RPS6KC1: variants seen among roughly 807,000 people sequenced by gnomAD.
The protein encoded by RPS6KC1 is inactive ribosomal protein S6 kinase delta-1.
RPS6KC1 carries 54 observed loss-of-function variants against 103.8 expected under a neutral mutation model. That is an observed-to-expected ratio of 0.52 (90% CI 0.42 to 0.65). The LOEUF (loss-of-function observed/expected upper bound fraction) is 0.65, where lower values mean the gene tolerates loss of function less well. RPS6KC1 is among the 30% of genes least tolerant of loss of function. The pLI is 0.00. For synonymous variants in RPS6KC1, 439 were observed against 438.7 expected, an observed-to-expected ratio of 1.00 and a Z score of -0.01; for missense variants, 1,151 against 1,253.8, an observed-to-expected ratio of 0.92 and a Z score of 1.24.
At chr1:213,672,825 A>G in the RPS6KC1 span, among the ~76,000 whole-genome samples, 2 of 152,138 alleles carry the variant, frequency 1.3e-5, no homozygotes, top group Non-Finnish European at 2.9e-5. Context: ...TAAACTCGTC[A>G]TCTCATCCCT....
chr1:213,806,014 G>A, the RPS6KC1 span, among the ~76,000 whole-genome samples: 1 of 152,170 alleles, frequency 6.6e-6, no homozygotes, highest in African/African-American at 2.4e-5. Context: ...TTCTGAGCAG[G>A]AGGTCTCAAC....
At chr1:213,602,194 C>CTTTCTTTCTTTCTTTCTTTCTTTCTTTT in the RPS6KC1 span, among the ~76,000 whole-genome samples, 1 of 75,154 alleles carries the variant, frequency 1.3e-5, no homozygotes, top group African/African-American at 6.2e-5. Context: ...TTCTTTTTCC[C>CTTTCTTTCTTTCTTTCTTTCTTTCTTTT]TCCCTCCCTC....
intron 3 of RPS6KC1, among the ~76,000 whole-genome samples, chr1:213,084,917 G>C (rs968617403): frequency 6.6e-6 from 1 of 152,198 alleles, no homozygotes; most frequent in African/African-American, 2.4e-5. Flanking sequence ...CATGATGTCT[G>C]TCTGCCCCTT....
At chr1:213,734,903 TG>T in the RPS6KC1 span, among the ~76,000 whole-genome samples, 1 of 8,276 alleles carries the variant, frequency 1.2e-4, no homozygotes, top group African/African-American at 1.0e-3. Context: ...CAAGTGAGTT[TG>T]TTGTTGTTGT....
At chr1:213,494,955 T>C in the RPS6KC1 span, among the ~76,000 whole-genome samples, 9,947 of 150,812 alleles carry the variant, frequency 0.066, 382 homozygotes, top group Middle Eastern at 0.099. Flanking sequence ...CAAAGAAAAG[T>C]AATCTTGATT....
At chr1:213,271,343 T>G (rs1362152829) in intron 14 of RPS6KC1, among the ~76,000 whole-genome samples, 1 of 152,174 alleles carries the variant, frequency 6.6e-6, no homozygotes, top group Non-Finnish European at 1.5e-5. Flanking sequence ...TTTTATTATT[T>G]TACTTATATG....
At chr1:213,443,553 C>A in the RPS6KC1 span, among the ~76,000 whole-genome samples, 1 of 152,054 alleles carries the variant, frequency 6.6e-6, no homozygotes, top group East Asian at 1.9e-4. Context: ...GGGCTGGGTT[C>A]TTGGGCATTC....
chr1:213,484,013 G>A, the RPS6KC1 span, among the ~76,000 whole-genome samples: 1 of 152,302 alleles, frequency 6.6e-6, no homozygotes, highest in East Asian at 1.9e-4. Context: ...TTCTTAAAAT[G>A]CTGTCTTCCT....
chr1:213,600,503 C>T, the RPS6KC1 span, among the ~76,000 whole-genome samples: 17 of 152,292 alleles, frequency 1.1e-4, no homozygotes, highest in South Asian at 2.3e-3. Flanking sequence ...GATAGATGCA[C>T]TTGAACTCCT....
chr1:213,104,660 C>T lies in RPS6KC1; in HGVS notation c.378+91C>T, dbSNP rs147590272. 8.6e-6 allele frequency: 5 copies of T among 579,468 alleles called. 1 individual carries two copies. In the South Asian group the frequency reaches 8.7e-5, roughly 10 times the overall value. 35.9% of individuals were successfully genotyped at this position (579,468 alleles called of 1,614,324 possible). ...AATAAAAAATGCCACTTTTGAATTT[C>T]GTTATTCACTATAAAAGTAGAAATT... On this transcript the variant is annotated intron_variant, in intron 4 of 14. Coordinates refer to ENST00000366960, the MANE Select transcript of RPS6KC1 (RefSeq NM_012424.6).
chr1:213,357,781 G>A, the RPS6KC1 span, among the ~76,000 whole-genome samples: 3,339 of 152,340 alleles, frequency 0.022, 118 homozygotes, highest in African/African-American at 0.075. Context: ...TGAATGCACG[G>A]TAGGGAGAAA....
the RPS6KC1 span, among the ~76,000 whole-genome samples, chr1:213,485,589 TC>T: frequency 5.3e-5 from 8 of 152,144 alleles, no homozygotes; most frequent in Non-Finnish European, 8.8e-5. Flanking sequence ...ACATTTTTGC[TC>T]AAGTATTTGT....
the RPS6KC1 span, among the ~76,000 whole-genome samples, chr1:213,326,808 G>T: frequency 6.6e-6 from 1 of 151,592 alleles, no homozygotes; most frequent in African/African-American, 2.4e-5. Flanking sequence ...TTGGAATGGG[G>T]TGTCTTAGAA....
chr1:213,530,693 T>C, the RPS6KC1 span, among the ~76,000 whole-genome samples: 1 of 152,254 alleles, frequency 6.6e-6, no homozygotes, highest in Non-Finnish European at 1.5e-5. Flanking sequence ...ACATGAGTGC[T>C]GGCCAAACAT....
chr1:213,597,262 G>A, the RPS6KC1 span, among the ~76,000 whole-genome samples: 2 of 152,208 alleles, frequency 1.3e-5, no homozygotes. Flanking sequence ...TTAAGAAAAT[G>A]TTAAGCTGAT....
chr1:213,358,761 GTTCTCGTTGGTTTCAAAGAACATCT>G, the RPS6KC1 span, among the ~76,000 whole-genome samples: 1 of 151,966 alleles, frequency 6.6e-6, no homozygotes, highest in African/African-American at 2.4e-5. Context: ...TTGTGTCTTT[GTTCTCGTTGGTTTCAAAGAACATCT>G]TTATTTCTGC....
chr1:213,384,459 G>A, the RPS6KC1 span, among the ~76,000 whole-genome samples: 1 of 152,044 alleles, frequency 6.6e-6, no homozygotes, highest in Non-Finnish European at 1.5e-5. Context: ...GAGCCAAGAT[G>A]TCTTTAGATG....
At chr1:213,630,876 G>A in the RPS6KC1 span, among the ~76,000 whole-genome samples, 1 of 152,210 alleles carries the variant, frequency 6.6e-6, no homozygotes, top group East Asian at 1.9e-4. Flanking sequence ...AAGCAGCGGA[G>A]GCTGCAGAAC....
At chr1:213,217,216 A>G (rs1381923839) in intron 8 of RPS6KC1, among the ~76,000 whole-genome samples, 1 of 151,794 alleles carries the variant, frequency 6.6e-6, no homozygotes, top group African/African-American at 2.4e-5. Context: ...CAGAAATACA[A>G]ACTACCATCA....
Sources: allele counts gnomAD v4.1 joint callset (sites outside exome capture counted in the v4.1 genomes callset), GRCh38; gene constraint gnomAD v4.1.1; transcripts MANE v1.5; gene names NCBI Gene and HGNC (gene_info 2026-07-23, HGNC 2026-07-21).